DNAH12: variants seen among roughly 807,000 people sequenced by gnomAD.
DNAH12 encodes axonemal beta dynein heavy chain 12.
A neutral mutation model predicts 371.5 loss-of-function variants in DNAH12; 285 were observed. That is an observed-to-expected ratio of 0.77 (90% confidence interval 0.70 to 0.85). The LOEUF (loss-of-function observed/expected upper bound fraction) is 0.85, where lower values mean the gene tolerates loss of function less well. DNAH12 is among the 40% of genes least tolerant of loss of function. The probability of loss-of-function intolerance (pLI) is 0.00; values close to 1 mark genes in which losing one functional copy is unlikely to be tolerated. For synonymous variants in DNAH12, 1,200 were observed against 1,213.0 expected (o/e 0.99, Z 0.22); for missense variants, 3,611 against 3,689.4 (o/e 0.98, Z 0.55).
intron 37 of DNAH12, among the ~76,000 whole-genome samples, chr3:57,418,229 A>G (rs1401737260): frequency 6.6e-6 from 1 of 151,734 alleles, no homozygotes; most frequent in African/African-American, 2.4e-5. Flanking sequence ...ATTTAAAAGT[A>G]TTATTCTGAC....
intron 58 of DNAH12, among the ~76,000 whole-genome samples, chr3:57,360,113 C>A (rs2062891156): frequency 1.3e-5 from 2 of 152,144 alleles, no homozygotes; most frequent in African/African-American, 4.8e-5. Context: ...TATCTTCTCT[C>A]CCCTTTGAAA....
Position 57,315,076 on chromosome 3 carries a change from T to A in DNAH12, c.10525-445A>T, listed in dbSNP as rs373066284. Among the ~76,000 whole-genome samples, 42 of 152,228 alleles carry A rather than the reference T, an allele frequency of 2.8e-4. 4 individuals carry two copies. The highest frequency in any genetic ancestry group is 2.2e-3 in the Admixed American group (33 of 15,286). On this transcript the variant is annotated intron_variant, in intron 65 of 73. Coordinates refer to ENST00000495027, the MANE Select transcript of DNAH12 (RefSeq NM_001366028.2). ...TTTGTGACTTTCCATTTGAAAATCATTTTTGAAACCATTGTTTATTTGATC... is the reference window on the plus strand; with the variant it reads ...TTTGTGACTTTCCATTTGAAAATCAATTTTGAAACCATTGTTTATTTGATC...
At chr3:57,313,416 G>A (rs545649156) in intron 66 of DNAH12, among the ~76,000 whole-genome samples, 7 of 152,280 alleles carry the variant, frequency 4.6e-5, no homozygotes, top group Non-Finnish European at 7.4e-5. Flanking sequence ...ATTTTGGGAG[G>A]TGAGGCAGGT....
chr3:57,472,746 C>T (rs2066403259), intron 13 of DNAH12, 75 bp from the exon 14 acceptor site: 3 of 1,422,990 alleles, frequency 2.1e-6, no homozygotes, highest in Non-Finnish European at 2.9e-6. Context: ...GAACCAACAA[C>T]AATCTCTAAT....
intron 2 of DNAH12, among the ~76,000 whole-genome samples, chr3:57,538,603 C>T (rs904905476): frequency 1.3e-5 from 2 of 152,204 alleles, no homozygotes; most frequent in African/African-American, 4.8e-5. Flanking sequence ...TGCTCTTCTG[C>T]TTTTCCTCCT....
intron 58 of DNAH12, among the ~76,000 whole-genome samples, chr3:57,358,308 G>C (rs1161952591): frequency 1.3e-5 from 2 of 152,164 alleles, no homozygotes; most frequent in Non-Finnish European, 2.9e-5. Flanking sequence ...CATGCTAGAT[G>C]AGTATATAAA....
intron 2 of DNAH12, among the ~76,000 whole-genome samples, chr3:57,525,082 G>C (rs2068588397): frequency 6.8e-6 from 1 of 147,624 alleles, no homozygotes; most frequent in African/African-American, 2.5e-5. Flanking sequence ...AGGGTGTCAA[G>C]TACGACAGGA....
chr3:57,299,591 C>A (rs1006369143), intron 70 of DNAH12, among the ~76,000 whole-genome samples: 2 of 152,216 alleles, frequency 1.3e-5, no homozygotes, highest in East Asian at 3.9e-4. Context: ...TTGAAACCCT[C>A]ATCTCCAAGG....
the DNAH12 span, among the ~76,000 whole-genome samples, chr3:57,550,705 T>C: frequency 2.0e-5 from 3 of 151,598 alleles, no homozygotes; most frequent in Non-Finnish European, 4.4e-5. Context: ...GTATTTTTAA[T>C]AGAGATGGGG....
chr3:57,509,420 T>G (rs558810979), intron 5 of DNAH12, among the ~76,000 whole-genome samples: 1 of 152,252 alleles, frequency 6.6e-6, no homozygotes, highest in Admixed American at 6.5e-5. Flanking sequence ...TTTAATAAGA[T>G]CTCAGTTTTT....
rs1049773619 is a variant in DNAH12 at position 57,309,227 on chromosome 3, C to T, written c.11113G>A (p.Ala3705Thr). The change falls in exon 69 of 74, where the codon GCA (alanine) becomes ACA (threonine). Residue 3705 changes from alanine to threonine, a missense_variant. Transcript: ENST00000495027. ...TATCTCACAGGATACTTCCGTAGTG[C>T]CATTTCAATGTCGAAATCACTAGGG... ...KLPSDFDIEM[A>T]LRKYPVRYEE... 6.5e-7 allele frequency: 1 copy of T among 1,549,352 alleles called. No individual in the cohort carries two copies. Among genetic ancestry groups the T allele is most frequent in the African/African-American group, 1.4e-5 (1 of 72,944 alleles).
At chr3:57,497,395 A>G (rs1318612887) in intron 11 of DNAH12, among the ~76,000 whole-genome samples, 1 of 152,270 alleles carries the variant, frequency 6.6e-6, no homozygotes, top group Non-Finnish European at 1.5e-5. Flanking sequence ...GAACAGATAC[A>G]TAAATCAATG....
At chr3:57,436,187 T>TAC (rs1255378004) in intron 30 of DNAH12, among the ~76,000 whole-genome samples, 3 of 152,118 alleles carry the variant, frequency 2.0e-5, no homozygotes, top group Admixed American at 6.6e-5. Context: ...TAAATATATA[T>TAC]ACACACACAC....
rs746055867 is a variant in DNAH12 at position 57,542,551 on chromosome 3, AC to A, written c.170+149del. On this transcript the variant is annotated intron_variant, in intron 2 of 73. Transcript: ENST00000495027. The stretch of plus-strand genomic sequence containing the variant: ...ACAGTGTATAATATTTGCTACCATT[AC>A]AATTACTTTTCAATTGTTTTTCTAA... 876 of 877,606 alleles carry A rather than the reference AC, an allele frequency of 1.0e-3. 5 individuals carry two copies. The highest frequency in any genetic ancestry group is 6.1e-4 in the Non-Finnish European group (366 of 599,718). The allele number at this position is 877,606 out of a possible 1,614,324, so 54.4% of individuals were successfully genotyped here. A position where few individuals can be genotyped will look rare whatever the true frequency, so the allele number is the denominator to read the frequency against.
intron 62 of DNAH12, among the ~76,000 whole-genome samples, chr3:57,326,791 C>A (rs1312433299): frequency 2.6e-5 from 4 of 152,160 alleles, no homozygotes; most frequent in Non-Finnish European, 4.4e-5. Flanking sequence ...CAAGACCCAT[C>A]AGTGTGTTGT....
chr3:57,421,001 C>T (rs918863391), intron 36 of DNAH12, among the ~76,000 whole-genome samples: 2 of 151,788 alleles, frequency 1.3e-5, no homozygotes, highest in African/African-American at 4.8e-5. Flanking sequence ...ATTGACTTCC[C>T]GCTATGGCTA....
intron 25 of DNAH12, among the ~76,000 whole-genome samples, chr3:57,452,388 A>G (rs1182603578): frequency 6.6e-6 from 1 of 152,166 alleles, no homozygotes; most frequent in Admixed American, 6.5e-5. Context: ...ATAGTTGAAC[A>G]GCTCTATCCT....
chr3:57,420,812 G>A (rs760829275), intron 36 of DNAH12, among the ~76,000 whole-genome samples: 12 of 150,458 alleles, frequency 8.0e-5, no homozygotes, highest in Admixed American at 1.3e-4. Flanking sequence ...GGGAGGCTGA[G>A]GCAGGACAAT....
chr3:57,310,693 C>T lies in DNAH12; in HGVS notation c.10896+24G>A, dbSNP rs767564771. On this transcript the variant is annotated intron_variant, in intron 67 of 73. Coordinates refer to ENST00000495027, the MANE Select transcript of DNAH12 (RefSeq NM_001366028.2). ...TTAGAAAAATCACACATTAATCTAACCTTATTTTTGGTGACATCATTACCT... is the reference window on the plus strand; with the variant it reads ...TTAGAAAAATCACACATTAATCTAATCTTATTTTTGGTGACATCATTACCT... 6.0e-5 allele frequency: 89 copies of T among 1,483,696 alleles called. 1 individual carries two copies. In the Middle Eastern group the frequency reaches 1.7e-3, roughly 28 times the overall value. The allele number at this position is 1,483,696 out of a possible 1,614,324, so 91.9% of individuals were successfully genotyped here.
Sources: gnomAD v4.1 joint callset for allele counts (sites outside exome capture counted in the v4.1 genomes callset) on GRCh38, gnomAD v4.1.1 for gene constraint, MANE v1.5 for transcripts, NCBI Gene and HGNC (gene_info 2026-07-23, HGNC 2026-07-21) for gene names.